Variants in DOCK6 observed in about 807,000 individuals in gnomAD.
DOCK6 encodes the protein dedicator of cytokinesis protein 6.
In DOCK6, 167 loss-of-function variants were observed where a neutral mutation model predicts 230.3. The ratio of observed to expected loss-of-function variants is 0.73; its 90% CI spans 0.64 to 0.82. The LOEUF (loss-of-function observed/expected upper bound fraction) is 0.82, where lower values mean the gene tolerates loss of function less well. DOCK6 is among the 40% of genes least tolerant of loss of function. The pLI, the probability that DOCK6 is intolerant of heterozygous loss-of-function variation, is 0.00. For missense variants in DOCK6, 2,598 were observed against 2,825.8 expected (o/e 0.92, Z 1.83); for synonymous variants, 1,148 against 1,185.0 (o/e 0.97, Z 0.64).
chr19:11,236,617 G>T lies in DOCK6; in HGVS notation c.2161-40C>A. 1 of 1,531,738 alleles carries T rather than the reference G, an allele frequency of 6.5e-7. No homozygotes were observed. The highest frequency in any genetic ancestry group is 1.2e-5 in the South Asian group (1 of 83,608). 94.9% of individuals were successfully genotyped at this position (1,531,738 alleles called of 1,614,324 possible). A position where few individuals can be genotyped will look rare whatever the true frequency, so the allele number is the denominator to read the frequency against. On this transcript the variant is annotated intron_variant, in intron 19 of 47. Transcript: ENST00000294618. The surrounding 1 kb of genome is among the most constrained non-coding windows in gnomAD (Gnocchi z 5.2). ...GGAGTGAGCAGGGTGGGGCCTCAGG[G>T]AATGAAGACCACCCCTGCCTGAATC...
Position 11,242,975 on chromosome 19 carries a change from C to T in DOCK6, c.1480+84G>A. 3 of 1,521,684 alleles carry T rather than the reference C, an allele frequency of 2.0e-6. No homozygotes were observed. The Admixed American group carries it at 5.0e-5, about 26-fold the overall frequency. The allele number at this position is 1,521,684 out of a possible 1,614,324, so 94.3% of individuals were successfully genotyped here. A position where few individuals can be genotyped will look rare whatever the true frequency, so the allele number is the denominator to read the frequency against. Reference sequence around the variant, plus strand: ...GGTCATCGTTGGGTCTCTGATGCCCCTGGCACAGTAGGTGCTCTCAGTGTA... The same window carrying T: ...GGTCATCGTTGGGTCTCTGATGCCCTTGGCACAGTAGGTGCTCTCAGTGTA... On this transcript the variant is annotated intron_variant, in intron 13 of 47. Transcript: ENST00000294618.
chr19:11,227,558 G>A (rs1389054188), intron 23 of DOCK6, 81 bp from the exon 24 acceptor site: 1 of 1,498,366 alleles, frequency 6.7e-7, no homozygotes, highest in Non-Finnish European at 8.9e-7. Flanking sequence ...GGGGCTTGAA[G>A]GGCTGTGGGT....
chr19:11,262,362 G>A (rs577730691), intron 1 of DOCK6, 35 bp downstream of exon 1: 5 of 1,244,192 alleles, frequency 4.0e-6, no homozygotes, highest in South Asian at 3.3e-5. Flanking sequence ...CGGGCCACGT[G>A]GGGGAGGTGG....
chr19:11,200,566 A>G lies in DOCK6; in HGVS notation c.5940-97T>C. The G allele has an allele frequency of 6.5e-7, 1 of 1,534,946 alleles. No homozygotes were observed. Among genetic ancestry groups the G allele is most frequent in the Non-Finnish European group, 8.8e-7 (1 of 1,138,094 alleles). Reference sequence around the variant, plus strand: ...ACCCATAAGGCGGGACCAGGCCTGCAGAAAGACCCGCAATAGGAGGTCAGG... The same window carrying G: ...ACCCATAAGGCGGGACCAGGCCTGCGGAAAGACCCGCAATAGGAGGTCAGG... On this transcript the variant is annotated intron_variant, in intron 46 of 47. Transcript: ENST00000294618. The surrounding 1 kb of genome is among the most constrained non-coding windows in gnomAD (Gnocchi z 4.3).
intron 28 of DOCK6, among the ~76,000 whole-genome samples, chr19:11,220,064 C>T (rs1294855349): frequency 6.6e-6 from 1 of 151,996 alleles, no homozygotes; most frequent in Non-Finnish European, 1.5e-5. Context: ...AGCGATACTC[C>T]TGCCTCAGCC....
At position 11,200,604 on chromosome 19, in the gene DOCK6, A is replaced by G; in HGVS notation, c.5939+112T>C. 1 of 1,497,206 alleles carries G rather than the reference A, an allele frequency of 6.7e-7. No homozygotes were observed. Among genetic ancestry groups the G allele is most frequent in the Non-Finnish European group, 9.0e-7 (1 of 1,109,606 alleles). The allele number at this position is 1,497,206 out of a possible 1,614,324, so 92.7% of individuals were successfully genotyped here. A position where few individuals can be genotyped will look rare whatever the true frequency, so the allele number is the denominator to read the frequency against. ...ATAGGAGGTCAGGTTGGGAGAGTGGACTTAATGGGAATCGGGCAGATGGGG... is the reference window on the plus strand; with the variant it reads ...ATAGGAGGTCAGGTTGGGAGAGTGGGCTTAATGGGAATCGGGCAGATGGGG... On this transcript the variant is annotated intron_variant, in intron 46 of 47. Transcript: ENST00000294618. This position sits in a 1 kb window ranked among gnomAD's most constrained non-coding sequence, Gnocchi z 4.3.
At position 11,200,318 on chromosome 19, in the gene DOCK6, G is replaced by C; in HGVS notation, c.6091C>G (p.Pro2031Ala). The part of the protein sequence containing the change: ...RLPQLMAPTP[P>A]GLRNSLNRAS... The stretch of plus-strand genomic sequence containing the variant: ...CACTAGGTCAGGCACCTGAGGCCGG[G>C]TGGGGTGGGTGCCATCAGCTGGGGC... The change falls in exon 47 of 48, where the codon CCC (proline) becomes GCC (alanine). Residue 2031 changes from proline to alanine, a missense_variant. Physicochemically the swap from Pro to Ala is conservative, Grantham distance 27. Coordinates refer to ENST00000294618, the MANE Select transcript of DOCK6 (RefSeq NM_020812.4). The surrounding 1 kb of genome is among the most constrained non-coding windows in gnomAD (Gnocchi z 4.3). The C allele has an allele frequency of 6.4e-7, 1 of 1,566,490 alleles. No homozygotes were observed. The highest frequency in any genetic ancestry group is 8.7e-7 in the Non-Finnish European group (1 of 1,155,622).
At position 11,200,131 on chromosome 19, in the gene DOCK6, A is replaced by T. The variant is rs905830823; in HGVS notation, c.6101+177T>A. Among the ~76,000 whole-genome samples the T allele has an allele frequency of 6.6e-6, 1 of 151,198 alleles. No homozygotes were observed. The highest frequency in any genetic ancestry group is 2.4e-5 in the African/African-American group (1 of 40,968). On this transcript the variant is annotated intron_variant, in intron 47 of 47. Coordinates refer to ENST00000294618, the MANE Select transcript of DOCK6 (RefSeq NM_020812.4). This position sits in a 1 kb window ranked among gnomAD's most constrained non-coding sequence, Gnocchi z 4.3. ...TGCCAACTGCACTCCAGCCTGGGCA[A>T]CAGAGGGAGAGTCTCTCAAAAAAAA...
intron 1 of DOCK6, among the ~76,000 whole-genome samples, chr19:11,260,892 A>AAAAAAAAAAAAAAAAAAAG (rs1423289379): frequency 6.7e-6 from 1 of 148,600 alleles, no homozygotes; most frequent in African/African-American, 2.5e-5. Flanking sequence ...CAAAAAAAAA[A>AAAAAAAAAAAAAAAAAAAG]AAAGAAAGAA....
At chr19:11,237,305 G>C in intron 18 of DOCK6, 151 bp downstream of exon 18, 1 of 746,526 alleles carries the variant, frequency 1.3e-6, no homozygotes, top group Non-Finnish European at 2.3e-6. Flanking sequence ...ACACAGAGAG[G>C]CATTAATAGG....
At chr19:11,259,854 T>C (rs2080257292) in intron 1 of DOCK6, among the ~76,000 whole-genome samples, 1 of 148,018 alleles carries the variant, frequency 6.8e-6, no homozygotes, top group African/African-American at 2.5e-5. Flanking sequence ...AAGTCTGGGA[T>C]TACAGACCTG....
chr19:11,199,476 A>G lies in DOCK6; in HGVS notation c.*21T>C, dbSNP rs1482207982. 5 of 1,572,872 alleles carry G rather than the reference A, an allele frequency of 3.2e-6. No individual in the cohort carries two copies. Among genetic ancestry groups the G allele is most frequent in the Middle Eastern group, 3.3e-4 (2 of 6,016 alleles). ...GGCCCGGGTGCTGGTTCCTCTAGGT[A>G]CAGCTTTGGTCCTTGTGGGCTCAGA... On this transcript the variant is annotated 3_prime_UTR_variant, in exon 48 of 48. Coordinates refer to ENST00000294618, the MANE Select transcript of DOCK6 (RefSeq NM_020812.4).
In DOCK6 at chr19:11,245,560, C is replaced by A; in HGVS notation, c.1023+3G>T. ...CACCCCCTTGCCCAGCCCCAGCAGG[C>A]ACCTTGATGACCAGGAAGATGTCAG... On this transcript the variant is annotated splice_donor_region_variant and intron_variant, in intron 9 of 47. Transcript: ENST00000294618. The A allele has an allele frequency of 6.4e-7, 1 of 1,554,502 alleles. No homozygotes were observed. The highest frequency in any genetic ancestry group is 8.7e-7 in the Non-Finnish European group (1 of 1,148,716).
At chr19:11,238,845 G>T (rs763299624) in intron 14 of DOCK6, 8 of 159,016 alleles carry the variant, frequency 5.0e-5, no homozygotes, top group African/African-American at 7.2e-5. Flanking sequence ...GTGTATAATG[G>T]GCACTTCAGG....
intron 37 of DOCK6, among the ~76,000 whole-genome samples, chr19:11,209,964 C>CA (rs2079344305): frequency 1.5e-5 from 2 of 132,642 alleles, no homozygotes; most frequent in Non-Finnish European, 3.3e-5. Flanking sequence ...CTCACCTGCC[C>CA]GCCCTCACCT....
Position 11,214,623 on chromosome 19 carries a change from G to C in DOCK6, c.4133C>G (p.Ala1378Gly). ...DKTKDEMEHE[A>G]LVEGNLATEA... The stretch of plus-strand genomic sequence containing the variant: ...GGTTGCCAGGTTCCCTTCCACCAAG[G>C]CCTCGTGTTCCATTTCATCCTTGGT... Residue 1378 changes from alanine to glycine, a missense_variant, in exon 33 of 48, where the codon GCC becomes GGC. Ala to Gly is a moderately conservative substitution (Grantham distance 60). Coordinates refer to ENST00000294618, the MANE Select transcript of DOCK6 (RefSeq NM_020812.4). 1 of 1,613,802 alleles carries C rather than the reference G, an allele frequency of 6.2e-7. No homozygotes were observed. Among genetic ancestry groups the C allele is most frequent in the Non-Finnish European group, 8.5e-7 (1 of 1,179,872 alleles).
rs117752662 is a variant in DOCK6, at chr19:11,237,152, C to G, written c.2074-273G>C. On this transcript the variant is annotated intron_variant, in intron 18 of 47. Coordinates refer to ENST00000294618, the MANE Select transcript of DOCK6 (RefSeq NM_020812.4). ...GGAAACAGGATAGGAGGATTTGAGGCCTAGGGTCATTAACAATGGTGCATT... is the reference window on the plus strand; with the variant it reads ...GGAAACAGGATAGGAGGATTTGAGGGCTAGGGTCATTAACAATGGTGCATT... 20,542 of 589,352 alleles carry G rather than the reference C, an allele frequency of 0.035. 486 individuals are homozygous for G. Among genetic ancestry groups the G allele is most frequent in the Non-Finnish European group, 0.046 (15,165 of 330,554 alleles). The allele number at this position is 589,352 out of a possible 1,614,324, so 36.5% of individuals were successfully genotyped here.
At chr19:11,232,290 C>T (rs1304748539) in intron 22 of DOCK6, 1 of 1,289,354 alleles carries the variant, frequency 7.8e-7, no homozygotes, top group Non-Finnish European at 1.0e-6. Context: ...GATCGATGCC[C>T]TGGAGATACA....
rs758926674 is a variant in DOCK6, at chr19:11,228,996, T to C, written c.2758A>G (p.Ser920Gly). The C allele has an allele frequency of 6.2e-7, 1 of 1,613,684 alleles. No individual in the cohort carries two copies. Among genetic ancestry groups the C allele is most frequent in the Non-Finnish European group, 8.5e-7 (1 of 1,179,822 alleles). Residue 920 changes from serine (S) to glycine (G), a missense_variant, in exon 23 of 48, where the codon AGC (serine) becomes GGC (glycine). Transcript: ENST00000294618. ...AGGATGGCCTCGCGTACGGCACTGC[T>C]GCTGACCACCCACTGCAGAGCCAGC... The part of the protein sequence containing the change: ...EELALQWVVS[S>G]SAVREAILQH...
Sources: allele counts gnomAD v4.1 joint callset (sites outside exome capture counted in the v4.1 genomes callset), GRCh38; gene constraint gnomAD v4.1.1; non-coding constraint Gnocchi (gnomAD v3.1); transcripts MANE v1.5; gene names NCBI Gene and HGNC (gene_info 2026-07-23, HGNC 2026-07-21).